The following ONECUT2 variants were observed in gnomAD, a reference collection of about 807,000 sequenced individuals.
ONECUT2 encodes the protein one cut domain family member 2.
A neutral mutation model predicts 27.9 loss-of-function variants in ONECUT2; 10 were observed. That is an observed-to-expected ratio of 0.36 (90% CI 0.22 to 0.61). The LOEUF (loss-of-function observed/expected upper bound fraction) is 0.61, where lower values mean the gene tolerates loss of function less well. Ranked by LOEUF, ONECUT2 falls within the 20% of genes least tolerant of loss-of-function variation. The pLI, the probability that ONECUT2 is intolerant of heterozygous loss-of-function variation, is 0.73. For synonymous variants in ONECUT2, 334 were observed against 315.1 expected (o/e 1.06, Z -0.64); for missense variants, 686 against 721.0 (o/e 0.95, Z 0.56).
Position 57,481,840 on chromosome 18 carries a change from G to A in ONECUT2, c.*5117G>A, listed in dbSNP as rs759082800. The A allele has an allele frequency of 6.6e-6, 1 of 152,142 alleles. No individual in the cohort carries two copies. The highest frequency in any genetic ancestry group is 1.5e-5 in the Non-Finnish European group (1 of 68,022). The allele number at this position is 152,142 out of a possible 1,614,324, so 9.4% of individuals were successfully genotyped here. On this transcript the variant is annotated 3_prime_UTR_variant, in exon 2 of 2. Transcript: ENST00000491143. ...GGTCAAGGTTGACCACAAGGCCCAG[G>A]CACAACTACCTTGGCGATAATCTTC...
At chr18:57,474,108 T>C (rs2050368741) in intron 1 of ONECUT2, among the ~76,000 whole-genome samples, 1 of 152,208 alleles carries the variant, frequency 6.6e-6, no homozygotes, top group African/African-American at 2.4e-5. Flanking sequence ...ATATGAATAC[T>C]TTTAGAAATG....
intron 1 of ONECUT2, among the ~76,000 whole-genome samples, chr18:57,447,195 C>G (rs2050204549): frequency 1.3e-5 from 2 of 152,244 alleles, no homozygotes; most frequent in Admixed American, 6.5e-5. Flanking sequence ...TATTTCCACA[C>G]TTGCTTCACA....
At chr18:57,455,549 CCTT>C (rs1399646819) in intron 1 of ONECUT2, among the ~76,000 whole-genome samples, 7 of 152,312 alleles carry the variant, frequency 4.6e-5, no homozygotes, top group Admixed American at 2.0e-4. Context: ...ATTACTCTCT[CCTT>C]CTTGGTGATC....
At position 57,484,284 on chromosome 18, in the gene ONECUT2, T is replaced by G. The variant is rs763701040; in HGVS notation, c.*7561T>G. On this transcript the variant is annotated 3_prime_UTR_variant, in exon 2 of 2. Coordinates refer to ENST00000491143, the MANE Select transcript of ONECUT2 (RefSeq NM_004852.3). ...CCTCACTGACTTTTTCCATTTGTAA[T>G]TTTAATCGTGTTGATGACACCAAAG... is the stretch of plus-strand genomic sequence containing the variant. The G allele has an allele frequency of 3.3e-5, 5 of 152,654 alleles. No homozygotes were observed. The highest frequency in any genetic ancestry group is 5.9e-5 in the Non-Finnish European group (4 of 68,034). 9.5% of individuals were successfully genotyped at this position (152,654 alleles called of 1,614,324 possible).
rs764051566 is a variant in ONECUT2, at chr18:57,436,857, C to T, written c.1141C>T (p.Leu381Phe). The T allele has an allele frequency of 6.2e-7, 1 of 1,613,810 alleles. No individual in the cohort carries two copies. The highest frequency in any genetic ancestry group is 8.5e-7 in the Non-Finnish European group (1 of 1,180,054). Reference sequence around the variant, plus strand: ...CCGGAATCCAAAACCGTGGAGTAAACTCAAATCTGGCAGGGAGACCTTCCG... The same window carrying T: ...CCGGAATCCAAAACCGTGGAGTAAATTCAAATCTGGCAGGGAGACCTTCCG... ...LLRNPKPWSK[L>F]KSGRETFRRM... Residue 381 changes from leucine (L) to phenylalanine (F), a missense_variant, in exon 1 of 2, where the codon CTC becomes TTC. Around this residue, in one of 4 missense-constraint regions of ONECUT2, gnomAD observed 47 missense variants for 86.0 expected, o/e 0.55. Transcript: ENST00000491143. The surrounding 1 kb of genome is among the most constrained non-coding windows in gnomAD (Gnocchi z 5.9).
rs147225043 is a variant in ONECUT2, at chr18:57,452,948, G to C, written c.1228+16004G>C. On this transcript the variant is annotated intron_variant, in intron 1 of 1. Transcript: ENST00000491143. Reference sequence around the variant, plus strand: ...AGCAAGTTGGAAGGGATATCAAAAAGATCAAAATGTTTGCGCATTTATAAC... The same window carrying C: ...AGCAAGTTGGAAGGGATATCAAAAACATCAAAATGTTTGCGCATTTATAAC... 8.4e-4 allele frequency among the ~76,000 whole-genome samples: 128 copies of C among 152,290 alleles called. 1 individual carries two copies. The highest frequency in any genetic ancestry group is 1.6e-3 in the Non-Finnish European group (108 of 68,014).
Position 57,436,704 on chromosome 18 carries a change from C to T in ONECUT2, c.988C>T (p.Leu330=). The change falls in exon 1 of 2, where the codon CTG becomes TTG. Residue 330 remains leucine (L), a synonymous_variant. Coordinates refer to ENST00000491143, the MANE Select transcript of ONECUT2 (RefSeq NM_004852.3). The surrounding 1 kb of genome is among the most constrained non-coding windows in gnomAD (Gnocchi z 5.9). The stretch of plus-strand genomic sequence containing the variant: ...CTCGCAGGTGGCCACGTCGGGCCAG[C>T]TGGAAGAAATCAACACCAAAGAGGT... ...SGSQVATSGQ[L]EEINTKEVAQ... is the part of the protein sequence containing the mutation. The T allele has an allele frequency of 6.2e-7, 1 of 1,613,680 alleles. No individual in the cohort carries two copies. Among genetic ancestry groups the T allele is most frequent in the Non-Finnish European group, 8.5e-7 (1 of 1,180,008 alleles).
chr18:57,436,561 G>C lies in ONECUT2; in HGVS notation c.845G>C (p.Gly282Ala). 6.2e-7 allele frequency: 1 copy of C among 1,611,356 alleles called. No individual in the cohort carries two copies. The highest frequency in any genetic ancestry group is 8.5e-7 in the Non-Finnish European group (1 of 1,179,880). Residue 282 changes from glycine to alanine, a missense_variant, in exon 1 of 2, where the codon GGC (glycine) becomes GCC (alanine). Physicochemically the swap from Gly to Ala is moderately conservative, Grantham distance 60 (BLOSUM62 0). This residue lies in a region of ONECUT2 where 511 missense variants were observed against 488.1 expected (regional missense o/e 1.05). Transcript: ENST00000491143. The surrounding 1 kb of genome is among the most constrained non-coding windows in gnomAD (Gnocchi z 5.9). ...RGEQHLSRGL[G>A]TPPAAMMSHL... ...GAGCAACACCTGTCCCGCGGCCTGG[G>C]CACCCCACCTGCGGCCATGATGTCG...
Position 57,478,642 on chromosome 18 carries a change from T to C in ONECUT2, c.*1919T>C, listed in dbSNP as rs1357727866. 2 of 152,662 alleles carry C rather than the reference T, an allele frequency of 1.3e-5. No homozygotes were observed. Among genetic ancestry groups the C allele is most frequent in the African/African-American group, 4.8e-5 (2 of 41,468 alleles). The allele number at this position is 152,662 out of a possible 1,614,324, so 9.5% of individuals were successfully genotyped here. A position where few individuals can be genotyped will look rare whatever the true frequency, so the allele number is the denominator to read the frequency against. ...AAGGAAGAGCCTCAGTGGCTGCTGC[T>C]TCATTTGACAACTCACACGGTAATC... On this transcript the variant is annotated 3_prime_UTR_variant, in exon 2 of 2. Coordinates refer to ENST00000491143, the MANE Select transcript of ONECUT2 (RefSeq NM_004852.3).
chr18:57,476,835 T>C lies in ONECUT2; in HGVS notation c.*112T>C. On this transcript the variant is annotated 3_prime_UTR_variant, in exon 2 of 2. Transcript: ENST00000491143. Reference sequence around the variant, plus strand: ...CTAGCTGGGGCCCTTCACTGGTGATTTGAAAGCACAATTCTCTTGCAAAGA... The same window carrying C: ...CTAGCTGGGGCCCTTCACTGGTGATCTGAAAGCACAATTCTCTTGCAAAGA... 1 of 1,170,172 alleles carries C rather than the reference T, an allele frequency of 8.5e-7. No individual in the cohort carries two copies. The highest frequency in any genetic ancestry group is 1.6e-5 in the South Asian group (1 of 62,654). The allele number at this position is 1,170,172 out of a possible 1,614,324, so 72.5% of individuals were successfully genotyped here. A position where few individuals can be genotyped will look rare whatever the true frequency, so the allele number is the denominator to read the frequency against.
At chr18:57,447,345 C>T (rs1056542258) in intron 1 of ONECUT2, among the ~76,000 whole-genome samples, 3 of 152,314 alleles carry the variant, frequency 2.0e-5, no homozygotes, top group East Asian at 1.9e-4. Context: ...CCCTCTACTG[C>T]GGTTAAATCC....
intron 1 of ONECUT2, among the ~76,000 whole-genome samples, chr18:57,451,941 T>TGG (rs765504543): frequency 6.6e-6 from 1 of 151,492 alleles, no homozygotes; most frequent in Non-Finnish European, 1.5e-5. Flanking sequence ...GCATGAGGAA[T>TGG]GGGGGGGGCG....
chr18:57,467,194 C>T (rs1397492095), intron 1 of ONECUT2: 1 of 456,546 alleles, frequency 2.2e-6, no homozygotes, highest in Non-Finnish European at 4.4e-6. Flanking sequence ...ACAGAATGGT[C>T]GCTGTGCGGT....
At chr18:57,452,082 G>A (rs1042192152) in intron 1 of ONECUT2, among the ~76,000 whole-genome samples, 2 of 152,162 alleles carry the variant, frequency 1.3e-5, no homozygotes, top group African/African-American at 2.4e-5. Context: ...ATGTCCAATA[G>A]TATAGGGCTA....
In ONECUT2 at chr18:57,485,866, T is replaced by C. The variant is rs1261569196; in HGVS notation, c.*9143T>C. On this transcript the variant is annotated 3_prime_UTR_variant, in exon 2 of 2. Transcript: ENST00000491143. The stretch of plus-strand genomic sequence containing the variant: ...AAAGTTCCCTCCTGTCCAAACAAGC[T>C]CAAGGCCCATCTTCTCCCTATACAA... The C allele has an allele frequency of 1.3e-5, 2 of 152,228 alleles. No homozygotes were observed. Among genetic ancestry groups the C allele is most frequent in the African/African-American group, 2.4e-5 (1 of 41,462 alleles). The allele number at this position is 152,228 out of a possible 1,614,324, so 9.4% of individuals were successfully genotyped here.
chr18:57,468,335 C>G (rs1220854237), intron 1 of ONECUT2, among the ~76,000 whole-genome samples: 1 of 152,118 alleles, frequency 6.6e-6, no homozygotes, highest in Non-Finnish European at 1.5e-5. Flanking sequence ...AGATCAGGCA[C>G]GTTTGGAGAA....
intron 1 of ONECUT2, among the ~76,000 whole-genome samples, chr18:57,472,395 C>T (rs959231064): frequency 1.3e-5 from 2 of 152,202 alleles, no homozygotes; most frequent in Non-Finnish European, 2.9e-5. Context: ...GCTTTCAAGG[C>T]AGGTGTTCTC....
intron 1 of ONECUT2, among the ~76,000 whole-genome samples, chr18:57,473,635 G>C (rs1048126294): frequency 2.5e-4 from 38 of 152,146 alleles, no homozygotes; most frequent in African/African-American, 8.7e-4. Context: ...ATGTGGACCA[G>C]CAGCATCAGC....
rs2050145384 is a variant in ONECUT2 at position 57,436,757 on chromosome 18, G to A, written c.1041G>A (p.Lys347=). 6.2e-7 allele frequency: 1 copy of A among 1,614,034 alleles called. No homozygotes were observed. The highest frequency in any genetic ancestry group is 1.3e-5 in the African/African-American group (1 of 75,076). The change falls in exon 1 of 2, where the codon AAG becomes AAA. Residue 347 remains lysine (K), a synonymous_variant. Transcript: ENST00000491143. The surrounding 1 kb of genome is among the most constrained non-coding windows in gnomAD (Gnocchi z 5.9). ...CCCAGCGCATCACAGCGGAGCTGAA[G>A]CGCTACAGTATCCCCCAGGCGATCT... ...EVAQRITAEL[K]RYSIPQAIFA...
Sources: gnomAD v4.1 joint callset for allele counts (sites outside exome capture counted in the v4.1 genomes callset) on GRCh38, gnomAD v4.1.1 for gene constraint, gnomAD v4.1.1 regional missense constraint, Gnocchi (gnomAD v3.1) non-coding constraint, MANE v1.5 for transcripts, NCBI Gene and HGNC (gene_info 2026-07-23, HGNC 2026-07-21) for gene names.